SHQ1: variants seen among roughly 807,000 people sequenced by gnomAD.
SHQ1 encodes protein SHQ1 homolog.
Under a neutral mutation model 53.8 loss-of-function variants are expected in SHQ1, and 49 were observed. The observed-to-expected ratio is 0.91, with a 90% CI of 0.72 to 1.16. The LOEUF is 1.16. SHQ1 is among the 50% of genes most tolerant of loss of function. The pLI is 0.00. For missense variants in SHQ1, 738 were observed against 683.1 expected (o/e 1.08, Z -0.90); for synonymous variants, 243 against 251.0 (o/e 0.97, Z 0.30).
chr3:72,848,261 G>A lies in SHQ1; in HGVS notation c.80C>T (p.Ser27Phe), dbSNP rs148030588. ...CCCCTCGAAGTAGACGTCGAACTCG[G>A]AGACCCGGGCGTAGGGCACGCGGAT... The part of the protein sequence containing the change: ...IAIRVPYARV[S>F]EFDVYFEGSD... The change falls in exon 1 of 11, where the codon TCC becomes TTC. Residue 27 changes from serine (S) to phenylalanine (F), a missense_variant. Physicochemically the swap from Ser to Phe is radical, Grantham distance 155 (BLOSUM62 -2). Transcript: ENST00000325599. The A allele has an allele frequency of 4.2e-5, 67 of 1,614,190 alleles. No homozygotes were observed. In the African/African-American group the frequency reaches 7.1e-4, roughly 17 times the overall value.
intron 10 of SHQ1, among the ~76,000 whole-genome samples, chr3:72,755,955 G>C (rs949499694): frequency 5.3e-5 from 8 of 152,240 alleles, no homozygotes; most frequent in African/African-American, 1.7e-4. Context: ...CTGGAGTGCA[G>C]TGGTGCAATC....
intron 5 of SHQ1, among the ~76,000 whole-genome samples, chr3:72,824,785 CTCT>C (rs1707597516): frequency 8.9e-6 from 1 of 112,916 alleles, no homozygotes; most frequent in Non-Finnish European, 1.9e-5. Flanking sequence ...CATTGCTGAT[CTCT>C]TTTTTTTTTT....
At chr3:72,802,767 C>T (rs1245259297) in intron 9 of SHQ1, among the ~76,000 whole-genome samples, 1 of 152,168 alleles carries the variant, frequency 6.6e-6, no homozygotes, top group Non-Finnish European at 1.5e-5. Context: ...CTAACAAGCA[C>T]TCTATCAGGG....
chr3:72,791,744 G>T (rs1472812957), intron 10 of SHQ1, among the ~76,000 whole-genome samples: 3 of 151,786 alleles, frequency 2.0e-5, no homozygotes, highest in Admixed American at 6.6e-5. Context: ...TACAGACAGG[G>T]TCTCACTATG....
At chr3:72,764,673 A>G (rs775658848) in intron 10 of SHQ1, among the ~76,000 whole-genome samples, 21 of 152,324 alleles carry the variant, frequency 1.4e-4, no homozygotes, top group Non-Finnish European at 2.9e-4. Flanking sequence ...CAGCAGCATC[A>G]TCTTGGAACT....
chr3:72,799,936 A>G (rs1706735190), intron 9 of SHQ1, among the ~76,000 whole-genome samples: 1 of 152,114 alleles, frequency 6.6e-6, no homozygotes, highest in Admixed American at 6.6e-5. Context: ...CTCTTCCCCC[A>G]GCTGGTTTAA....
rs112972828 is a variant in SHQ1 at position 72,800,027 on chromosome 3, A to G, written c.1061-6991T>C. ...GCACCCCACAAAAAGCATCTGTTGG[A>G]AAGTTAATCCCCAATGCAACAGTGT... On this transcript the variant is annotated intron_variant, in intron 9 of 10. Transcript: ENST00000325599. 2.3e-3 allele frequency among the ~76,000 whole-genome samples: 346 copies of G among 152,318 alleles called. 1 individual carries two copies. The highest frequency in any genetic ancestry group is 4.2e-3 in the Non-Finnish European group (285 of 68,020).
chr3:72,744,580 G>A (rs1705223320), downstream of SHQ1, among the ~76,000 whole-genome samples: 1 of 152,206 alleles, frequency 6.6e-6, no homozygotes, highest in South Asian at 2.1e-4. Flanking sequence ...TGAGACAAGA[G>A]TTGTGTCAAC....
intron 9 of SHQ1, among the ~76,000 whole-genome samples, chr3:72,809,200 GTCC>G: frequency 6.6e-6 from 1 of 152,222 alleles, no homozygotes; most frequent in Non-Finnish European, 1.5e-5. Flanking sequence ...AGTGAAAGGG[GTCC>G]TCCTCCCTGC....
At chr3:72,738,590 G>A in the SHQ1 span, among the ~76,000 whole-genome samples, 1 of 152,134 alleles carries the variant, frequency 6.6e-6, no homozygotes, top group Admixed American at 6.6e-5. Flanking sequence ...CAGCCTCCTC[G>A]TATTCCAGGT....
In SHQ1 at chr3:72,750,040, T is replaced by C. The variant is rs1705331145; in HGVS notation, c.*244A>G. ...TACAATGTAAATGCTGTGGAAATAG[T>C]TGTCATACTGTATTATTTAGAGAAT... On this transcript the variant is annotated 3_prime_UTR_variant, in exon 11 of 11. Coordinates refer to ENST00000325599, the MANE Select transcript of SHQ1 (RefSeq NM_018130.3). 2.1e-6 allele frequency: 1 copy of C among 487,588 alleles called. No individual in the cohort carries two copies. 30.2% of individuals were successfully genotyped at this position (487,588 alleles called of 1,614,324 possible). A position where few individuals can be genotyped will look rare whatever the true frequency, so the allele number is the denominator to read the frequency against.
chr3:72,742,615 T>C, the SHQ1 span, among the ~76,000 whole-genome samples: 4 of 134,366 alleles, frequency 3.0e-5, no homozygotes, highest in African/African-American at 9.2e-5. Context: ...TTTTTTCTTT[T>C]TTTCTTTTTT....
At chr3:72,747,261 A>AC (rs756400105), downstream of SHQ1, among the ~76,000 whole-genome samples, 11 of 152,116 alleles carry the variant, frequency 7.2e-5, no homozygotes, top group Non-Finnish European at 1.5e-4. Context: ...ACAAGACCCT[A>AC]CCTCCCCAGC....
intron 10 of SHQ1, among the ~76,000 whole-genome samples, chr3:72,760,642 C>G (rs1705588492): frequency 6.6e-6 from 1 of 152,172 alleles, no homozygotes; most frequent in African/African-American, 2.4e-5. Context: ...CTCATCTGCT[C>G]TCTTTCAACT....
intron 10 of SHQ1, among the ~76,000 whole-genome samples, chr3:72,774,020 G>C (rs550582876): frequency 1.1e-4 from 16 of 152,284 alleles, no homozygotes; most frequent in African/African-American, 3.9e-4. Context: ...CCGAGGACAA[G>C]AAGATATTCC....
In SHQ1 at chr3:72,793,080, A is replaced by G. The variant is rs1353856990; in HGVS notation, c.1061-44T>C. 4 of 1,528,786 alleles carry G rather than the reference A, an allele frequency of 2.6e-6. No individual in the cohort carries two copies. The Admixed American group carries it at 7.3e-5, about 28-fold the overall frequency. 94.7% of individuals were successfully genotyped at this position (1,528,786 alleles called of 1,614,324 possible). On this transcript the variant is annotated intron_variant, in intron 9 of 10. Transcript: ENST00000325599. ...ACATAAAATTATCCTTAAGAAAAAG[A>G]AATTCAGACCCTGAGAGGTAATATA...
At chr3:72,763,022 T>TAC (rs35278618) in intron 10 of SHQ1, among the ~76,000 whole-genome samples, 1,505 of 132,720 alleles carry the variant, frequency 0.011, 8 homozygotes, top group Non-Finnish European at 0.014. Context: ...CATCTTGTTT[T>TAC]ACACACACAC....
intron 4 of SHQ1, among the ~76,000 whole-genome samples, chr3:72,832,935 A>G (rs909699307): frequency 6.6e-6 from 1 of 152,190 alleles, no homozygotes; most frequent in Non-Finnish European, 1.5e-5. Flanking sequence ...ATTACCGTAC[A>G]GATTGAATAT....
downstream of SHQ1, among the ~76,000 whole-genome samples, chr3:72,748,359 A>AAAAAAAAC: frequency 7.1e-6 from 1 of 141,436 alleles, no homozygotes; most frequent in South Asian, 2.2e-4. Flanking sequence ...AAAAAAAAAA[A>AAAAAAAAC]AAGACTCATA....
Sources: allele counts gnomAD v4.1 joint callset (sites outside exome capture counted in the v4.1 genomes callset), GRCh38; gene constraint gnomAD v4.1.1; transcripts MANE v1.5; gene names NCBI Gene and HGNC (gene_info 2026-07-23, HGNC 2026-07-21).